The following PTPRH variants were observed in gnomAD, a reference collection of about 807,000 sequenced individuals.
PTPRH encodes the protein protein tyrosine phosphatase receptor type H.
Under a neutral mutation model 130.2 loss-of-function variants are expected in PTPRH, and 113 were observed. The observed-to-expected ratio is 0.87, with a 90% CI of 0.75 to 1.01. PTPRH has a LOEUF of 1.01. Ranked by LOEUF, PTPRH falls within the 50% of genes least tolerant of loss-of-function variation. The pLI, the probability that PTPRH is intolerant of heterozygous loss-of-function variation, is 0.00. For synonymous variants in PTPRH, 556 were observed against 577.9 expected (o/e 0.96, Z 0.54); for missense variants, 1,430 against 1,425.0 (o/e 1.00, Z -0.06).
Position 55,205,507 on chromosome 19 carries a change from G to A in PTPRH, c.438C>T (p.Asp146=), listed in dbSNP as rs568113522. 1 of 1,614,190 alleles carries A rather than the reference G, an allele frequency of 6.2e-7. No homozygotes were observed. The highest frequency in any genetic ancestry group is 8.5e-7 in the Non-Finnish European group (1 of 1,180,030). The change falls in exon 4 of 20, where the codon GAC becomes GAT. Residue 146 remains aspartate (D), a synonymous_variant. Transcript: ENST00000376350. ...ALTWEVPDGP[D]PQNSTYGVEY... Reference sequence around the variant, plus strand: ...CAACCCCGTAGGTGGAGTTCTGTGGGTCTGGGCCGTCGGGGACCTCCCAGG... The same window carrying A: ...CAACCCCGTAGGTGGAGTTCTGTGGATCTGGGCCGTCGGGGACCTCCCAGG...
chr19:55,187,381 A>AT, intron 14 of PTPRH, 132 bp downstream of exon 14: 1 of 438,386 alleles, frequency 2.3e-6, no homozygotes, highest in Non-Finnish European at 3.9e-6. Context: ...AAAAAAAAAA[A>AT]GGAAGAAAAA....
At chr19:55,204,511 G>A (rs1407871055) in intron 4 of PTPRH, among the ~76,000 whole-genome samples, 1 of 152,198 alleles carries the variant, frequency 6.6e-6, no homozygotes, top group Non-Finnish European at 1.5e-5. Context: ...TTTGCTGTGT[G>A]CACATCTCAC....
At position 55,206,708 on chromosome 19, in the gene PTPRH, C is replaced by A. The variant is rs766062922; in HGVS notation, c.333G>T (p.Gly111=). ...TCTTACCTGTGGCAGTAGTGACAGTCCCCACAGAGCTATTTACTCCGTCTT... is the reference window on the plus strand; with the variant it reads ...TCTTACCTGTGGCAGTAGTGACAGTACCCACAGAGCTATTTACTCCGTCTT... ...VEKDGVNSSV[G]TVTTATAPNP... The change falls in exon 3 of 20, where the codon GGG becomes GGT. Residue 111 remains glycine, a synonymous_variant. Coordinates refer to ENST00000376350, the MANE Select transcript of PTPRH (RefSeq NM_002842.5). The A allele has an allele frequency of 6.2e-7, 1 of 1,603,252 alleles. No individual in the cohort carries two copies. The highest frequency in any genetic ancestry group is 8.5e-7 in the Non-Finnish European group (1 of 1,171,736).
rs1289536628 is a variant in PTPRH, at chr19:55,203,843, A to G, written c.825T>C (p.Cys275=). 6.2e-7 allele frequency: 1 copy of G among 1,613,998 alleles called. No individual in the cohort carries two copies. Among genetic ancestry groups the G allele is most frequent in the Non-Finnish European group, 8.5e-7 (1 of 1,180,024 alleles). ...DGLGPGSLYT[C]SVWVEKDGVN... ...CTCCGTCTTTCTCCACCCACACAGAACACGTATACAATGACCCGGGTCCAA... is the reference window on the plus strand; with the variant it reads ...CTCCGTCTTTCTCCACCCACACAGAGCACGTATACAATGACCCGGGTCCAA... Residue 275 remains cysteine (C), a synonymous_variant, in exon 5 of 20, where the codon TGT becomes TGC. Transcript: ENST00000376350.
At chr19:55,202,619 A>G (rs1468644099) in intron 5 of PTPRH, among the ~76,000 whole-genome samples, 1 of 152,080 alleles carries the variant, frequency 6.6e-6, no homozygotes, top group Non-Finnish European at 1.5e-5. Context: ...ACATATATAT[A>G]CACATACACA....
Position 55,196,929 on chromosome 19 carries a change from TC to T in PTPRH, c.1991-142del, listed in dbSNP as rs1306929291. The T allele has an allele frequency of 8.0e-6, 10 of 1,243,136 alleles. No individual in the cohort carries two copies. The Admixed American group carries it at 2.5e-4, about 31-fold the overall frequency. 77.0% of individuals were successfully genotyped at this position (1,243,136 alleles called of 1,614,324 possible). A position where few individuals can be genotyped will look rare whatever the true frequency, so the allele number is the denominator to read the frequency against. ...CCTCATCTTCCCTCCTTTTCTGTCC[TC>T]CCCGAATGGACACAAATAAGTCCTT... On this transcript the variant is annotated intron_variant, in intron 9 of 19. Coordinates refer to ENST00000376350, the MANE Select transcript of PTPRH (RefSeq NM_002842.5).
At chr19:55,194,456 G>A (rs888289716) in intron 10 of PTPRH, among the ~76,000 whole-genome samples, 1 of 152,082 alleles carries the variant, frequency 6.6e-6, no homozygotes, top group Non-Finnish European at 1.5e-5. Context: ...CTAAGCAATG[G>A]GGTCTGGCAA....
At chr19:55,207,325 G>A (rs1264548544) in intron 1 of PTPRH, 126 bp from the exon 2 acceptor site, 11 of 1,049,834 alleles carry the variant, frequency 1.0e-5, no homozygotes, top group East Asian at 5.3e-5. Context: ...AGGAGGGGCC[G>A]GTGTTAGGCT....
At chr19:55,184,256 C>G (rs532616371) in intron 18 of PTPRH, among the ~76,000 whole-genome samples, 7 of 151,906 alleles carry the variant, frequency 4.6e-5, no homozygotes, top group Non-Finnish European at 8.8e-5. Context: ...TGCACTCCAG[C>G]CTGGGCAACA....
intron 6 of PTPRH, 54 bp downstream of exon 6, chr19:55,202,002 G>A (rs1191884543): frequency 3.1e-6 from 5 of 1,597,554 alleles, no homozygotes; most frequent in African/African-American, 2.7e-5. Flanking sequence ...ACATTCTACT[G>A]CTTACTGTCC....
rs146764852 is a variant in PTPRH at position 55,206,840 on chromosome 19, A to T, written c.201T>A (p.Cys67Ter). ...TCTCTGTTGTGCCGCCGTCTCCAGT[A>T]CACTGAACCCAGTAGTTGGAGTTCT... ...DSQNSNYWVQCTGDGGTTETR... is the reference protein window; with the variant it reads ...DSQNSNYWVQ The change falls in exon 3 of 20, where the codon TGT becomes TGA. Residue 67 changes from cysteine to a stop codon, truncating the protein, a stop_gained. Coordinates refer to ENST00000376350, the MANE Select transcript of PTPRH (RefSeq NM_002842.5). LOFTEE classifies it high-confidence loss of function. The T allele has an allele frequency of 4.3e-6, 7 of 1,613,986 alleles. No individual in the cohort carries two copies.
chr19:55,192,087 A>G, intron 10 of PTPRH: 1 of 418,110 alleles, frequency 2.4e-6, no homozygotes, highest in South Asian at 1.9e-5. Context: ...TTTTTTCTTT[A>G]GCTACTTGAT....
In PTPRH at chr19:55,207,257, G is replaced by T. The variant is rs946167658; in HGVS notation, c.52-58C>A. ...TCTCAACCACTCCTCCGCCCAGTGA[G>T]GCCGAGGGGCTGGGAGGAGCGGCTG... is the stretch of plus-strand genomic sequence containing the variant. On this transcript the variant is annotated intron_variant, in intron 1 of 19. Transcript: ENST00000376350. 30 of 1,579,470 alleles carry T rather than the reference G, an allele frequency of 1.9e-5. 1 individual carries two copies. The East Asian group carries it at 6.7e-4, about 35-fold the overall frequency.
intron 1 of PTPRH, among the ~76,000 whole-genome samples, chr19:55,208,923 G>T (rs2087155098): frequency 8.8e-6 from 1 of 113,162 alleles, no homozygotes; most frequent in Non-Finnish European, 1.9e-5. Flanking sequence ...TCTGAGGGAG[G>T]AGGGGCTGGG....
At chr19:55,188,854 C>T (rs998340763) in intron 12 of PTPRH, among the ~76,000 whole-genome samples, 4 of 152,230 alleles carry the variant, frequency 2.6e-5, no homozygotes, top group Non-Finnish European at 4.4e-5. Flanking sequence ...TGTTCATTTC[C>T]TGGGCAGGCC....
In PTPRH at chr19:55,209,475, T is replaced by A; in HGVS notation, c.-42A>T. 1.5e-6 allele frequency: 2 copies of A among 1,352,984 alleles called. No homozygotes were observed. The highest frequency in any genetic ancestry group is 2.1e-6 in the Non-Finnish European group (2 of 967,950). 83.8% of individuals were successfully genotyped at this position (1,352,984 alleles called of 1,614,324 possible). A position where few individuals can be genotyped will look rare whatever the true frequency, so the allele number is the denominator to read the frequency against. ...GGGGACCCAGGAGTCCCAGGCCTAG[T>A]CCTTCCACCTGCTGGACTTTACACT... On this transcript the variant is annotated 5_prime_UTR_variant, in exon 1 of 20. Transcript: ENST00000376350. The surrounding 1 kb of genome is among the most constrained non-coding windows in gnomAD (Gnocchi z 4.1).
In PTPRH at chr19:55,206,503, A is replaced by G. The variant is rs2087061169; in HGVS notation, c.352+186T>C. Among the ~76,000 whole-genome samples, 4 of 150,778 alleles carry G rather than the reference A, an allele frequency of 2.7e-5. No individual in the cohort carries two copies. In the South Asian group the frequency reaches 6.3e-4, roughly 24 times the overall value. ...CACAGCTACTTTTTAATTTTTTTGT[A>G]GAGACAGGCTGACCAGTTTCTTTTT... On this transcript the variant is annotated intron_variant, in intron 3 of 19. Transcript: ENST00000376350.
intron 18 of PTPRH, among the ~76,000 whole-genome samples, chr19:55,182,945 C>T (rs1285596274): frequency 6.6e-6 from 1 of 151,798 alleles, no homozygotes; most frequent in Non-Finnish European, 1.5e-5. Context: ...CAGGCATGCA[C>T]CACTGCATCT....
At chr19:55,188,240 T>A in intron 12 of PTPRH, 72 bp from the exon 13 acceptor site, 1 of 1,263,044 alleles carries the variant, frequency 7.9e-7, no homozygotes, top group Non-Finnish European at 1.2e-6. Flanking sequence ...GGGCTGGGCA[T>A]GGTGGCTCAC....
Sources: allele counts gnomAD v4.1 joint callset (sites outside exome capture counted in the v4.1 genomes callset), GRCh38; gene constraint gnomAD v4.1.1; non-coding constraint Gnocchi (gnomAD v3.1); transcripts MANE v1.5; gene names NCBI Gene and HGNC (gene_info 2026-07-23, HGNC 2026-07-21).